SAMSN1: variants seen among roughly 807,000 people sequenced by gnomAD.
SAMSN1 encodes SAM domain-containing protein SAMSN-1.
SAMSN1 carries 31 observed loss-of-function variants against 42.0 expected under a neutral mutation model. The ratio of observed to expected loss-of-function variants is 0.74; its 90% CI spans 0.55 to 1.00. The LOEUF (loss-of-function observed/expected upper bound fraction) is 1.00. SAMSN1 is among the 50% of genes least tolerant of loss of function. The pLI is 0.00. For synonymous variants in SAMSN1, 178 were observed against 151.9 expected, an observed-to-expected ratio of 1.17 and a Z score of -1.26; for missense variants, 464 against 439.4, an observed-to-expected ratio of 1.06 and a Z score of -0.50.
At chr21:14,540,008 T>C (rs960661307) in intron 1 of SAMSN1, among the ~76,000 whole-genome samples, 1 of 152,174 alleles carries the variant, frequency 6.6e-6, no homozygotes. Context: ...AACTATCTGA[T>C]CTTTGACAAA....
At chr21:14,517,125 G>C in intron 2 of SAMSN1, 84 bp from the exon 3 acceptor site, 3 of 1,310,872 alleles carry the variant, frequency 2.3e-6, no homozygotes, top group Non-Finnish European at 3.1e-6. Flanking sequence ...AGAACATTCT[G>C]AGTTTGTGGA....
In SAMSN1 at chr21:14,485,987, A is replaced by G; in HGVS notation, c.1047T>C (p.Asn349=). 6.2e-7 allele frequency: 1 copy of G among 1,613,716 alleles called. No individual in the cohort carries two copies. The highest frequency in any genetic ancestry group is 2.2e-5 in the East Asian group (1 of 44,852). ...GCYISSGNSD[N]GKEDLESENL... ...TTTCAGACTCCAGATCCTCTTTGCC[A>G]TTATCTGAATTTCCTGATGAGATAT... The change falls in exon 8 of 8, where the codon AAT becomes AAC. Residue 349 remains asparagine, a synonymous_variant. Transcript: ENST00000400566.
At chr21:14,512,651 GAC>G (rs1038217845) in intron 3 of SAMSN1, 78 bp from the exon 4 acceptor site, 31 of 1,349,204 alleles carry the variant, frequency 2.3e-5, no homozygotes, top group Non-Finnish European at 2.4e-5. Context: ...TGATTTAATA[GAC>G]ACATATTTTA....
chr21:14,503,608 G>T (rs1201708664), intron 5 of SAMSN1, among the ~76,000 whole-genome samples: 1 of 152,074 alleles, frequency 6.6e-6, no homozygotes, highest in East Asian at 1.9e-4. Context: ...AGTAAGAAGG[G>T]GGAATTCAGG....
intron 6 of SAMSN1, among the ~76,000 whole-genome samples, chr21:14,601,736 C>T (rs1225374033): frequency 6.6e-6 from 1 of 152,178 alleles, no homozygotes; most frequent in African/African-American, 2.4e-5. Flanking sequence ...TTGACAGGAA[C>T]ATCCCAGTAT....
At chr21:14,511,172 C>T (rs777371872) in intron 4 of SAMSN1, among the ~76,000 whole-genome samples, 2 of 152,174 alleles carry the variant, frequency 1.3e-5, no homozygotes, top group Non-Finnish European at 2.9e-5. Flanking sequence ...GAATAGCCCA[C>T]GTTTCACTAC....
chr21:14,614,931 T>C (rs1237470945), intron 3 of SAMSN1, among the ~76,000 whole-genome samples: 1 of 152,216 alleles, frequency 6.6e-6, no homozygotes, highest in Non-Finnish European at 1.5e-5. Context: ...TGTAAATTGG[T>C]CATCATCAGA....
intron 6 of SAMSN1, among the ~76,000 whole-genome samples, chr21:14,600,939 T>G (rs1323717575): frequency 3.3e-5 from 5 of 152,148 alleles, no homozygotes; most frequent in Admixed American, 3.3e-4. Flanking sequence ...AAATGAATTT[T>G]TGAAAGTATG....
At position 14,565,731 on chromosome 21, in the gene SAMSN1, G is replaced by A. The variant is rs374626219; in HGVS notation, c.261+16405C>T. Reference sequence around the variant, plus strand: ...TCATCGATTCCAAATTTAAACTCAGGATTCCTTCCTTTAAAGTCTAGTGGT... The same window carrying A: ...TCATCGATTCCAAATTTAAACTCAGAATTCCTTCCTTTAAAGTCTAGTGGT... On this transcript the variant is annotated intron_variant, in intron 2 of 8. Coordinates refer to the SAMSN1 transcript ENST00000285670. Among the ~76,000 whole-genome samples, 58 of 152,240 alleles carry A rather than the reference G, an allele frequency of 3.8e-4. 2 individuals carry two copies. The highest frequency in any genetic ancestry group is 1.3e-3 in the African/African-American group (54 of 41,556).
intron 1 of SAMSN1, among the ~76,000 whole-genome samples, chr21:14,525,908 A>G (rs1362970190): frequency 6.6e-6 from 1 of 152,174 alleles, no homozygotes; most frequent in Non-Finnish European, 1.5e-5. Context: ...TCTGTTATGC[A>G]GGCTGGAGTG....
At chr21:14,575,286 A>G (rs1279453086) in intron 2 of SAMSN1, among the ~76,000 whole-genome samples, 1 of 152,214 alleles carries the variant, frequency 6.6e-6, no homozygotes, top group Non-Finnish European at 1.5e-5. Flanking sequence ...TAAAATTGTC[A>G]TAATTAATGA....
intron 2 of SAMSN1, among the ~76,000 whole-genome samples, chr21:14,573,184 G>A (rs1334732758): frequency 6.6e-6 from 1 of 152,136 alleles, no homozygotes; most frequent in Admixed American, 6.6e-5. Flanking sequence ...GGCAAAAGCA[G>A]ATGTCTCTCT....
chr21:14,572,840 T>C (rs1981342588), intron 2 of SAMSN1, among the ~76,000 whole-genome samples: 1 of 152,156 alleles, frequency 6.6e-6, no homozygotes, highest in African/African-American at 2.4e-5. Flanking sequence ...GTCTCAAAAA[T>C]TACAAAGCCA....
intron 2 of SAMSN1, among the ~76,000 whole-genome samples, chr21:14,553,344 A>C (rs552453255): frequency 6.6e-6 from 1 of 152,104 alleles, no homozygotes; most frequent in Admixed American, 6.6e-5. Flanking sequence ...TTCTCTATAT[A>C]TTGTTAATAT....
intron 2 of SAMSN1, among the ~76,000 whole-genome samples, chr21:14,564,503 TA>T (rs1325052021): frequency 6.6e-6 from 1 of 152,158 alleles, no homozygotes; most frequent in African/African-American, 2.4e-5. Context: ...GACAAAAAGC[TA>T]ACAAGTAGTC....
At chr21:14,613,819 C>T (rs1417599637) in intron 3 of SAMSN1, among the ~76,000 whole-genome samples, 1 of 151,954 alleles carries the variant, frequency 6.6e-6, no homozygotes, top group East Asian at 1.9e-4. Context: ...TATAAATATA[C>T]ATATTTGAAC....
At chr21:14,639,657 A>T (rs1306914121) in intron 2 of SAMSN1, among the ~76,000 whole-genome samples, 3 of 152,184 alleles carry the variant, frequency 2.0e-5, no homozygotes. Flanking sequence ...AGCTTCAGAC[A>T]TAAGGAGATA....
At chr21:14,635,927 A>T (rs1983456316) in intron 2 of SAMSN1, among the ~76,000 whole-genome samples, 1 of 151,914 alleles carries the variant, frequency 6.6e-6, no homozygotes, top group Admixed American at 6.6e-5. Flanking sequence ...CATCATTTAC[A>T]TTTGGTATTT....
chr21:14,587,759 A>ATTTT (rs1242466291), upstream of SAMSN1, among the ~76,000 whole-genome samples: 3 of 150,518 alleles, frequency 2.0e-5, no homozygotes, highest in Non-Finnish European at 4.4e-5. Context: ...TTATTTATTT[A>ATTTT]TTTATTTTTT....
Sources: gnomAD v4.1 joint callset for allele counts (sites outside exome capture counted in the v4.1 genomes callset) on GRCh38, gnomAD v4.1.1 for gene constraint, MANE v1.5 for transcripts, NCBI Gene and HGNC (gene_info 2026-07-23, HGNC 2026-07-21) for gene names.